The following CACNB2 variants were observed in gnomAD, a reference collection of about 807,000 sequenced individuals.
CACNB2 encodes calcium voltage-gated channel auxiliary subunit beta 2, also known as voltage-dependent L-type calcium channel subunit beta-2.
Under a neutral mutation model 73.3 loss-of-function variants are expected in CACNB2, and 42 were observed. The ratio of observed to expected loss-of-function variants is 0.57; its 90% CI spans 0.45 to 0.74. The LOEUF (loss-of-function observed/expected upper bound fraction) is 0.74. Ranked by LOEUF, CACNB2 falls within the 30% of genes least tolerant of loss-of-function variation. The pLI is 0.00. For missense variants in CACNB2, 940 were observed against 853.0 expected (o/e 1.10, Z -1.27); for synonymous variants, 348 against 310.3 (o/e 1.12, Z -1.28).
intron 7 of CACNB2, among the ~76,000 whole-genome samples, chr10:18,517,102 C>A (rs757843831): frequency 3.8e-4 from 58 of 152,110 alleles, no homozygotes; most frequent in Admixed American, 6.5e-4. Context: ...GAGTGACGGG[C>A]AGATGCAAAA....
At chr10:18,436,670 T>G (rs2046152452) in intron 3 of CACNB2, among the ~76,000 whole-genome samples, 1 of 152,244 alleles carries the variant, frequency 6.6e-6, no homozygotes, top group Admixed American at 6.5e-5. Context: ...CAGAGGTTTT[T>G]ATACCTACAA....
Position 18,315,499 on chromosome 10 carries a change from TAAAA to T in CACNB2, c.214-86399_214-86396del, listed in dbSNP as rs756721525. Among the ~76,000 whole-genome samples, 31 of 39,520 alleles carry T rather than the reference TAAAA, an allele frequency of 7.8e-4. No homozygotes were observed. In the South Asian group the frequency reaches 0.049, roughly 63 times the overall value. 25.9% of individuals were successfully genotyped at this position (39,520 alleles called of 152,430 possible). A position where few individuals can be genotyped will look rare whatever the true frequency, so the allele number is the denominator to read the frequency against. On this transcript the variant is annotated intron_variant, in intron 2 of 13. Transcript: ENST00000324631. ...AGCAAAAAGAGACCTTGTCTCTATT[TAAAA>T]AAAAAAAAAAAAAAAAAAAAAAAAA...
chr10:18,373,283 G>A (rs1171149421), intron 2 of CACNB2, among the ~76,000 whole-genome samples: 1 of 152,110 alleles, frequency 6.6e-6, no homozygotes, highest in Non-Finnish European at 1.5e-5. Context: ...ATGAAATCCA[G>A]GCACTGCTTT....
intron 2 of CACNB2, chr10:18,261,108 G>A: frequency 4.0e-6 from 6 of 1,497,912 alleles, no homozygotes; most frequent in Non-Finnish European, 5.3e-6. Context: ...CAGGAACGGT[G>A]GCTTTTTTAG....
chr10:18,417,879 G>A (rs542026800), intron 3 of CACNB2, among the ~76,000 whole-genome samples: 1 of 151,784 alleles, frequency 6.6e-6, no homozygotes, highest in African/African-American at 2.4e-5. Flanking sequence ...AAAATGAAAC[G>A]ATTTAAAAAA....
At chr10:18,467,117 G>A (rs1483146386) in intron 3 of CACNB2, among the ~76,000 whole-genome samples, 2 of 152,120 alleles carry the variant, frequency 1.3e-5, no homozygotes, top group Non-Finnish European at 2.9e-5. Context: ...TCACAACACT[G>A]CACTACAGCC....
chr10:18,514,152 TA>T, intron 6 of CACNB2, 83 bp from the exon 7 acceptor site: 2 of 1,423,128 alleles, frequency 1.4e-6, no homozygotes, highest in Non-Finnish European at 2.0e-6. Flanking sequence ...TTACTATGGT[TA>T]GTTTTATTTG....
At chr10:18,483,292 A>T (rs1019266692) in intron 3 of CACNB2, among the ~76,000 whole-genome samples, 5 of 151,940 alleles carry the variant, frequency 3.3e-5, no homozygotes, top group African/African-American at 9.7e-5. Flanking sequence ...GCACTTTGGG[A>T]GGCCGAGGCC....
intron 2 of CACNB2, among the ~76,000 whole-genome samples, chr10:18,315,009 C>T (rs1329645492): frequency 1.3e-5 from 2 of 152,110 alleles, no homozygotes; most frequent in Non-Finnish European, 2.9e-5. Flanking sequence ...GTTAGATAGA[C>T]ATGTACAAAG....
chr10:18,527,507 G>T (rs750725736), intron 9 of CACNB2, 81 bp from the exon 10 acceptor site: 1 of 836,390 alleles, frequency 1.2e-6, no homozygotes, highest in African/African-American at 1.7e-5. Flanking sequence ...TTCATACTTA[G>T]ATGAATTTGG....
chr10:18,205,440 T>G (rs145705734), intron 2 of CACNB2, among the ~76,000 whole-genome samples: 87 of 152,332 alleles, frequency 5.7e-4, no homozygotes, highest in Admixed American at 1.3e-3. Context: ...ATGACTAGTT[T>G]GTTGAACAGT....
At position 18,260,482 on chromosome 10, in the gene CACNB2, A is replaced by C. The variant is rs538966349; in HGVS notation, c.213+109507A>C. 3.6e-5 allele frequency: 35 copies of C among 985,460 alleles called. No individual in the cohort carries two copies. The African/African-American group carries it at 4.0e-4, about 11-fold the overall frequency. 61.0% of individuals were successfully genotyped at this position (985,460 alleles called of 1,614,324 possible). ...AAACAACTGTGCGCCGCAGTGCTTG[A>C]GCGAGTCAGGTCCTGAGGCCACTCT... On this transcript the variant is annotated intron_variant, in intron 2 of 13. Transcript: ENST00000324631.
intron 2 of CACNB2, among the ~76,000 whole-genome samples, chr10:18,205,963 C>T (rs962691123): frequency 6.6e-6 from 1 of 152,112 alleles, no homozygotes; most frequent in African/African-American, 2.4e-5. Context: ...TCAGTCTCCC[C>T]AGGCCCTCTC....
chr10:18,360,509 C>G (rs1411303687), intron 2 of CACNB2, among the ~76,000 whole-genome samples: 2 of 152,198 alleles, frequency 1.3e-5, no homozygotes, highest in African/African-American at 4.8e-5. Context: ...CAGGCATGCA[C>G]CACTGCACCC....
chr10:18,481,226 ATATATTTTTTTTTTTTTTTTTT>A (rs1489800601), intron 3 of CACNB2, among the ~76,000 whole-genome samples: 3 of 13,780 alleles, frequency 2.2e-4, no homozygotes, highest in African/African-American at 9.1e-4. Context: ...ATATATATAT[ATATATTTTTTTTTTTTTTTTTT>A]TTTTTTTTTT....
At chr10:18,354,241 A>C (rs989499104) in intron 2 of CACNB2, among the ~76,000 whole-genome samples, 1 of 152,210 alleles carries the variant, frequency 6.6e-6, no homozygotes, top group Non-Finnish European at 1.5e-5. Context: ...TAATCATTTA[A>C]CAAACACTTG....
At chr10:18,194,597 T>G (rs879832818) in intron 2 of CACNB2, among the ~76,000 whole-genome samples, 1 of 152,208 alleles carries the variant, frequency 6.6e-6, no homozygotes, top group Non-Finnish European at 1.5e-5. Flanking sequence ...AAATCAGACC[T>G]GTTCATTCTG....
In CACNB2 at chr10:18,532,643, C is replaced by G. The variant is rs1589730097; in HGVS notation, c.1055-1433C>G. Reference sequence around the variant, plus strand: ...GGTGAGCCGAGACTGCACCACTGCACTCCAGCCTGGGAGACAGAGAGAGAC... The same window carrying G: ...GGTGAGCCGAGACTGCACCACTGCAGTCCAGCCTGGGAGACAGAGAGAGAC... On this transcript the variant is annotated intron_variant, in intron 10 of 13. Transcript: ENST00000324631. Among the ~76,000 whole-genome samples, 3 of 142,592 alleles carry G rather than the reference C, an allele frequency of 2.1e-5. No individual in the cohort carries two copies. The Admixed American group carries it at 2.2e-4, about 11-fold the overall frequency. The allele number at this position is 142,592 out of a possible 152,430, so 93.5% of individuals were successfully genotyped here. A position where few individuals can be genotyped will look rare whatever the true frequency, so the allele number is the denominator to read the frequency against.
In CACNB2 at chr10:18,540,185, C is replaced by T; in HGVS notation, c.*461C>T. ...CACTGTTTCTTGCTTGTACCTCTGG[C>T]TGACTAAATTTGGGGACAGATTCAG... is the stretch of plus-strand genomic sequence containing the variant. On this transcript the variant is annotated 3_prime_UTR_variant, in exon 14 of 14. Transcript: ENST00000324631. The T allele has an allele frequency of 6.6e-6, 1 of 152,438 alleles. No homozygotes were observed. The highest frequency in any genetic ancestry group is 1.4e-5 in the Non-Finnish European group (1 of 70,896). 9.4% of individuals were successfully genotyped at this position (152,438 alleles called of 1,614,324 possible). A position where few individuals can be genotyped will look rare whatever the true frequency, so the allele number is the denominator to read the frequency against.
Sources: gnomAD v4.1 joint callset for allele counts (sites outside exome capture counted in the v4.1 genomes callset) on GRCh38, gnomAD v4.1.1 for gene constraint, MANE v1.5 for transcripts, NCBI Gene and HGNC (gene_info 2026-07-23, HGNC 2026-07-21) for gene names.